The following GRID1 variants were observed in gnomAD, a reference collection of about 807,000 sequenced individuals.
GRID1 encodes the protein glutamate ionotropic receptor delta type subunit 1, also known as glutamate receptor ionotropic, delta-1.
Under a neutral mutation model 98.0 loss-of-function variants are expected in GRID1, and 28 were observed. That is an observed-to-expected ratio of 0.29 (90% confidence interval 0.21 to 0.39). The LOEUF (loss-of-function observed/expected upper bound fraction) is 0.39. Among genes scored for constraint, GRID1 ranks in the 10% least tolerant of loss-of-function variants. The pLI is 1.00. For missense variants in GRID1, 1,111 were observed against 1,340.5 expected (o/e 0.83, Z 2.67); for synonymous variants, 553 against 538.5 (o/e 1.03, Z -0.37).
intron 8 of GRID1, among the ~76,000 whole-genome samples, chr10:85,831,518 G>A (rs1032839421): frequency 5.3e-5 from 8 of 151,992 alleles, no homozygotes; most frequent in South Asian, 4.1e-4. Flanking sequence ...ATGAGATACC[G>A]TCTTTTCAAG....
intron 4 of GRID1, among the ~76,000 whole-genome samples, chr10:86,009,325 T>G (rs1842899682): frequency 6.6e-6 from 1 of 152,008 alleles, no homozygotes; most frequent in African/African-American, 2.4e-5. Context: ...CAACCCACAG[T>G]GAGATAAATT....
intron 8 of GRID1, among the ~76,000 whole-genome samples, chr10:85,762,600 G>A (rs1412263151): frequency 6.6e-6 from 1 of 152,130 alleles, no homozygotes; most frequent in Admixed American, 6.5e-5. Context: ...ATAAGCCCTA[G>A]ACTGCTGCGT....
At chr10:85,637,285 A>G (rs1843056900) in intron 13 of GRID1, among the ~76,000 whole-genome samples, 1 of 152,248 alleles carries the variant, frequency 6.6e-6, no homozygotes, top group Admixed American at 6.5e-5. Flanking sequence ...ATGGGAACTT[A>G]TTGCATGTAA....
intron 4 of GRID1, among the ~76,000 whole-genome samples, chr10:85,917,950 T>C (rs2131825462): frequency 6.6e-6 from 1 of 152,312 alleles, no homozygotes; most frequent in African/African-American, 2.4e-5. Context: ...AGAGCCTCTC[T>C]CCTGTCAACA....
At chr10:86,105,391 G>A (rs1844366535) in intron 4 of GRID1, among the ~76,000 whole-genome samples, 1 of 152,182 alleles carries the variant, frequency 6.6e-6, no homozygotes, top group African/African-American at 2.4e-5. Context: ...GAGCCGGTCA[G>A]AAGCATGGTC....
intron 8 of GRID1, among the ~76,000 whole-genome samples, chr10:85,783,916 T>C (rs1254294640): frequency 6.6e-6 from 1 of 152,162 alleles, no homozygotes; most frequent in Non-Finnish European, 1.5e-5. Flanking sequence ...ATGCTGCATG[T>C]CATGTGGGGG....
At chr10:85,847,385 C>T (rs1457355170) in intron 8 of GRID1, among the ~76,000 whole-genome samples, 2 of 152,096 alleles carry the variant, frequency 1.3e-5, no homozygotes, top group African/African-American at 4.8e-5. Context: ...TTGCAGTCCT[C>T]TTTAATGTGA....
Position 85,599,802 on chromosome 10 carries a change from A to AAAAAAAAAATATAT in GRID1, c.*2470_*2471insATATATTTTTTTTT. ...GTAGAAAATTCTAAAAAAAAAAAAA[A>AAAAAAAAAATATAT]ATATATATATATATATATAAACATG... is the stretch of plus-strand genomic sequence containing the variant. On this transcript the variant is annotated 3_prime_UTR_variant, in exon 16 of 16. Coordinates refer to ENST00000327946, the MANE Select transcript of GRID1 (RefSeq NM_017551.3). 1.5e-5 allele frequency: 1 copy of AAAAAAAAAATATAT among 65,000 alleles called. No homozygotes were observed. The highest frequency in any genetic ancestry group is 9.3e-5 in the African/African-American group (1 of 10,730). The allele number at this position is 65,000 out of a possible 1,614,324, so 4.0% of individuals were successfully genotyped here. A position where few individuals can be genotyped will look rare whatever the true frequency, so the allele number is the denominator to read the frequency against.
chr10:86,169,490 C>T (rs2131992059), intron 3 of GRID1, among the ~76,000 whole-genome samples: 1 of 152,270 alleles, frequency 6.6e-6, no homozygotes, highest in East Asian at 1.9e-4. Context: ...CAGGGGTACC[C>T]ACATGTGCCC....
intron 12 of GRID1, among the ~76,000 whole-genome samples, chr10:85,699,051 G>GT (rs1490717704): frequency 6.6e-6 from 1 of 151,614 alleles, no homozygotes; most frequent in African/African-American, 2.4e-5. Context: ...GTTTTGTTTT[G>GT]TTTTTTGTTT....
intron 2 of GRID1, among the ~76,000 whole-genome samples, chr10:86,249,387 ATCCTTGGACCC>A (rs748150917): frequency 2.0e-5 from 3 of 152,162 alleles, no homozygotes; most frequent in Non-Finnish European, 4.4e-5. Context: ...CTCTGGATCC[ATCCTTGGACCC>A]TCATATCCCA....
At chr10:86,312,963 G>A (rs1847851792) in intron 2 of GRID1, among the ~76,000 whole-genome samples, 1 of 152,244 alleles carries the variant, frequency 6.6e-6, no homozygotes, top group Non-Finnish European at 1.5e-5. Context: ...GCATCTTGCA[G>A]AGCTGTGGCA....
At chr10:85,999,049 C>T (rs1237116311) in intron 4 of GRID1, among the ~76,000 whole-genome samples, 1 of 152,038 alleles carries the variant, frequency 6.6e-6, no homozygotes, top group Non-Finnish European at 1.5e-5. Context: ...CCTGTCTCTA[C>T]TAAAAATACA....
chr10:85,708,398 T>C (rs1841547040), intron 12 of GRID1, among the ~76,000 whole-genome samples: 2 of 146,278 alleles, frequency 1.4e-5, no homozygotes, highest in Admixed American at 1.3e-4. Flanking sequence ...AGCAAGACTC[T>C]GTCTCAAAAA....
chr10:85,685,573 G>T (rs1387913497), intron 12 of GRID1, among the ~76,000 whole-genome samples: 1 of 152,146 alleles, frequency 6.6e-6, no homozygotes, highest in Non-Finnish European at 1.5e-5. Context: ...ATATGGAAAT[G>T]AAAAGATCCA....
intron 8 of GRID1, among the ~76,000 whole-genome samples, chr10:85,844,607 T>C (rs1842989722): frequency 1.3e-5 from 2 of 152,270 alleles, no homozygotes; most frequent in Non-Finnish European, 2.9e-5. Context: ...GATCTCTCTA[T>C]ACTATTTATT....
At chr10:85,716,177 A>T (rs991284281) in intron 12 of GRID1, among the ~76,000 whole-genome samples, 10 of 152,162 alleles carry the variant, frequency 6.6e-5, no homozygotes, top group Admixed American at 1.3e-4. Flanking sequence ...AAAGTGCTCG[A>T]TTACAGGCGT....
chr10:85,892,499 C>T lies in GRID1; in HGVS notation c.781-23319G>A, dbSNP rs1188141099. 2.0e-5 allele frequency among the ~76,000 whole-genome samples: 3 copies of T among 151,478 alleles called. No homozygotes were observed. The East Asian group carries it at 5.8e-4, about 29-fold the overall frequency. On this transcript the variant is annotated intron_variant, in intron 5 of 15. Transcript: ENST00000327946. ...TAAAACTAAGATTAAGAGCTGAGTC[C>T]TCATCAAGGCAAGCCTGAAGTCCGT...
intron 4 of GRID1, among the ~76,000 whole-genome samples, chr10:86,038,259 C>T (rs1037420735): frequency 8.5e-5 from 13 of 152,152 alleles, no homozygotes; most frequent in African/African-American, 3.1e-4. Context: ...CAGTTTCAAG[C>T]TATCAGTGTA....
Sources: gnomAD v4.1 joint callset for allele counts (sites outside exome capture counted in the v4.1 genomes callset) on GRCh38, gnomAD v4.1.1 for gene constraint, MANE v1.5 for transcripts, NCBI Gene and HGNC (gene_info 2026-07-23, HGNC 2026-07-21) for gene names.